Variants in SCRIB observed in about 807,000 individuals in gnomAD.
SCRIB encodes the protein scribble planar cell polarity protein.
Under a neutral mutation model 170.0 loss-of-function variants are expected in SCRIB, and 72 were observed. The ratio of observed to expected loss-of-function variants is 0.42; its 90% CI spans 0.35 to 0.52. The LOEUF is 0.52. Ranked by LOEUF, SCRIB falls within the 20% of genes least tolerant of loss-of-function variation. The pLI is 0.02. For missense variants in SCRIB, 2,475 were observed against 2,338.5 expected (o/e 1.06, Z -1.20); for synonymous variants, 1,298 against 1,044.3 (o/e 1.24, Z -4.68).
rs948751927 is a variant in SCRIB, at chr8:143,805,318, C to T, written c.2464G>A (p.Ala822Thr). The T allele has an allele frequency of 1.9e-6, 3 of 1,544,912 alleles. No individual in the cohort carries two copies. Among genetic ancestry groups the T allele is most frequent in the Admixed American group, 1.9e-5 (1 of 52,634 alleles). Residue 822 changes from alanine (A) to threonine (T), a missense_variant, in exon 19 of 37, where the codon GCG (alanine) becomes ACG (threonine). Coordinates refer to ENST00000356994, the MANE Select transcript of SCRIB (RefSeq NM_182706.5). The stretch of plus-strand genomic sequence containing the variant: ...GGCCGCAGCGGCGTGATGGTGACCG[C>T]GTTCTCAGGCTCCACCATGCGCTCC... ...WRERMVEPENAVTITPLRPED... is the reference protein window; with the variant it reads ...WRERMVEPENTVTITPLRPED...
In SCRIB at chr8:143,804,767, G is replaced by T. The variant is rs1554635956; in HGVS notation, c.2810C>A (p.Ala937Asp). 3.1e-6 allele frequency: 5 copies of T among 1,604,050 alleles called. No individual in the cohort carries two copies. Among genetic ancestry groups the T allele is most frequent in the Non-Finnish European group, 4.2e-6 (5 of 1,177,180 alleles). Residue 937 changes from alanine to aspartate, a missense_variant, in exon 21 of 37, where the codon GCT (alanine) becomes GAT (aspartate). This residue lies in a region of SCRIB where 1,966 missense variants were observed against 1,742.9 expected (regional missense o/e 1.13). Transcript: ENST00000356994. ...CAGCAGGGCGATGGTGGGGGAGGCAGCGGTCAGCAGGGAGACGGCGTGGTC... is the reference window on the plus strand; with the variant it reads ...CAGCAGGGCGATGGTGGGGGAGGCATCGGTCAGCAGGGAGACGGCGTGGTC... Reference protein sequence around the residue: ...RHDHAVSLLTAASPTIALLLE... With the variant: ...RHDHAVSLLTDASPTIALLLE...
At chr8:143,809,068 G>C in intron 14 of SCRIB, 43 bp from the exon 15 acceptor site, 1 of 1,568,490 alleles carries the variant, frequency 6.4e-7, no homozygotes, top group Non-Finnish European at 8.6e-7. Context: ...CTCTGTGGCT[G>C]TGCTTCCACA....
Position 143,804,737 on chromosome 8 carries a change from T to A in SCRIB, c.2840A>T (p.Glu947Val). ...AASPTIALLL[E>V]REAGGPLPPS... ...AGGAAGAGGGCCCCCAGCCTCCCGC[T>A]CCAACAGCAGGGCGATGGTGGGGGA... Residue 947 changes from glutamate to valine, a missense_variant, in exon 21 of 37, where the codon GAG becomes GTG. Physicochemically the swap from Glu to Val is moderately radical, Grantham distance 121. Coordinates refer to ENST00000356994, the MANE Select transcript of SCRIB (RefSeq NM_182706.5). 6.3e-7 allele frequency: 1 copy of A among 1,599,130 alleles called. No homozygotes were observed. Among genetic ancestry groups the A allele is most frequent in the Admixed American group, 1.7e-5 (1 of 58,918 alleles).
In SCRIB at chr8:143,804,661, G is replaced by C; in HGVS notation, c.2916C>G (p.Thr972=). 6.5e-7 allele frequency: 1 copy of C among 1,550,252 alleles called. No homozygotes were observed. The highest frequency in any genetic ancestry group is 8.7e-7 in the Non-Finnish European group (1 of 1,147,142). Residue 972 remains threonine (T), a synonymous_variant, in exon 21 of 37, where the codon ACC becomes ACG. Coordinates refer to ENST00000356994, the MANE Select transcript of SCRIB (RefSeq NM_182706.5). ...SSPPTAAVAT[T]SITTATPGVP... ...CCCCGGGGGTGGCAGTGGTTATGCT[G>C]GTGGTGGCAACAGCAGCGGTGGGGG...
intron 2 of SCRIB, 45 bp downstream of exon 2, chr8:143,813,956 C>T (rs368000217): frequency 3.6e-5 from 57 of 1,581,860 alleles, no homozygotes; most frequent in Admixed American, 1.2e-4. Flanking sequence ...GCAGCCCCAG[C>T]GGACACTCCC....
intron 9 of SCRIB, 109 bp from the exon 10 acceptor site, chr8:143,811,454 G>GGCTGTGAGGGACCCTGGC: frequency 1.1e-6 from 1 of 945,516 alleles, no homozygotes; most frequent in Non-Finnish European, 1.6e-6. Context: ...TCCAGCCAGG[G>GGCTGTGAGGGACCCTGGC]TCCCTCACAG....
At chr8:143,791,601 G>A in intron 35 of SCRIB, 65 bp downstream of exon 35, 2 of 1,513,382 alleles carry the variant, frequency 1.3e-6, no homozygotes, top group Non-Finnish European at 1.8e-6. Context: ...CCCTGCGGGA[G>A]CGGATGGGGG....
At chr8:143,792,917 G>A in intron 29 of SCRIB, 50 bp from the exon 30 acceptor site, 2 of 1,501,378 alleles carry the variant, frequency 1.3e-6, no homozygotes, top group African/African-American at 1.4e-5. Flanking sequence ...CGAGATACTG[G>A]GGCCCCCGGG....
At position 143,804,001 on chromosome 8, in the gene SCRIB, G is replaced by A. The variant is rs370120630; in HGVS notation, c.3120+45C>T. The stretch of plus-strand genomic sequence containing the variant: ...CCGCGCTGACCTGCGCTGGTACCTG[G>A]GATGGGTGCACCTCTCACAGAACCG... On this transcript the variant is annotated intron_variant, in intron 22 of 36. Coordinates refer to ENST00000356994, the MANE Select transcript of SCRIB (RefSeq NM_182706.5). 3.8e-6 allele frequency: 6 copies of A among 1,576,496 alleles called. No homozygotes were observed. In the East Asian group the frequency reaches 6.8e-5, roughly 18 times the overall value.
In SCRIB at chr8:143,803,774, G is replaced by C. The variant is rs781812456; in HGVS notation, c.3287C>G (p.Pro1096Arg). 3.7e-6 allele frequency: 6 copies of C among 1,601,812 alleles called. No homozygotes were observed. In the South Asian group the frequency reaches 6.6e-5, roughly 18 times the overall value. The part of the protein sequence containing the change: ...SLLVRRDPAP[P>R]GLRELCIQKA... ...CTGGATGCACAGTTCCCGTAGGCCC[G>C]GGGGTGCCGGGTCCCTCCGCACCAG... Residue 1096 changes from proline to arginine, a missense_variant, in exon 23 of 37, where the codon CCG (proline) becomes CGG (arginine). Physicochemically the swap from Pro to Arg is moderately radical, Grantham distance 103 (BLOSUM62 -2). Coordinates refer to ENST00000356994, the MANE Select transcript of SCRIB (RefSeq NM_182706.5).
Position 143,808,947 on chromosome 8 carries a change from AG to A in SCRIB, c.1776del (p.Trp593GlyfsTer124). On this transcript the variant is annotated frameshift_variant, in exon 15 of 37. Coordinates refer to ENST00000356994, the MANE Select transcript of SCRIB (RefSeq NM_182706.5). LOFTEE classifies it high-confidence loss of function. ...CGCTGCCTCCCGCCTGGCAGGGTCC[AG>A]GGGGCCTCAGGCTGCCCCTCCTCGA... Reference protein sequence around the residue: ...REIEEGQPEAPWTLPGGRQRL... With the variant: ...REIEEGQPEAXWTLPGGRQRL... 6.2e-7 allele frequency: 1 copy of A among 1,612,812 alleles called. No individual in the cohort carries two copies.
Position 143,805,111 on chromosome 8 carries a change from C to T in SCRIB, c.2670+1G>A. 1 of 1,598,898 alleles carries T rather than the reference C, an allele frequency of 6.3e-7. No homozygotes were observed. The highest frequency in any genetic ancestry group is 1.3e-5 in the African/African-American group (1 of 74,782). On this transcript the variant is annotated splice_donor_variant, in intron 19 of 36. Transcript: ENST00000356994. LOFTEE classifies it high-confidence loss of function. The stretch of plus-strand genomic sequence containing the variant: ...TCCCCGGCCCTGGGCCCCAGCCTCA[C>T]CGCATCACCAGCCCTGTAGGGTGTG...
In SCRIB at chr8:143,795,116, G is replaced by A. The variant is rs1554633825; in HGVS notation, c.3772-4C>T. On this transcript the variant is annotated splice_region_variant and splice_polypyrimidine_tract_variant and intron_variant, in intron 26 of 36. Coordinates refer to ENST00000356994, the MANE Select transcript of SCRIB (RefSeq NM_182706.5). ...TCAGGGGCTGCAGACCCCGACCCTG[G>A]GGGCAGAGTGAACACAGCACTAGCA... 8.1e-6 allele frequency: 13 copies of A among 1,610,894 alleles called. No individual in the cohort carries two copies. Among genetic ancestry groups the A allele is most frequent in the Non-Finnish European group, 1.1e-5 (13 of 1,178,870 alleles).
In SCRIB at chr8:143,808,306, G is replaced by A. The variant is rs564680532; in HGVS notation, c.2115+303C>T. On this transcript the variant is annotated intron_variant, in intron 15 of 36. Transcript: ENST00000356994. ...CCTCTGGCACTGAGACCAACGCCAGGGCAGGCCTGGGGTCCAAGCATGGAC... is the reference window on the plus strand; with the variant it reads ...CCTCTGGCACTGAGACCAACGCCAGAGCAGGCCTGGGGTCCAAGCATGGAC... Among the ~76,000 whole-genome samples, 9 of 152,214 alleles carry A rather than the reference G, an allele frequency of 5.9e-5. No homozygotes were observed. In the East Asian group the frequency reaches 1.8e-3, roughly 30 times the overall value.
In SCRIB at chr8:143,813,356, G is replaced by A. The variant is rs754838765; in HGVS notation, c.522C>T (p.Val174=). The change falls in exon 6 of 37, where the codon GTC becomes GTT. Residue 174 remains valine (V), a synonymous_variant. Coordinates refer to ENST00000356994, the MANE Select transcript of SCRIB (RefSeq NM_182706.5). ...CTCCCAGATCCAGCTGTTCCAGCTT[G>A]ACCAGAAATGACAGGGACCTGCAGA... The part of the protein sequence containing the change: ...KSLPASLSFL[V]KLEQLDLGGN... 5 of 1,613,488 alleles carry A rather than the reference G, an allele frequency of 3.1e-6. No individual in the cohort carries two copies. The highest frequency in any genetic ancestry group is 4.2e-6 in the Non-Finnish European group (5 of 1,180,032).
chr8:143,813,245 T>G, intron 6 of SCRIB, 66 bp downstream of exon 6: 1 of 1,603,032 alleles, frequency 6.2e-7, no homozygotes, highest in African/African-American at 1.3e-5. Context: ...CTGCTCGCTG[T>G]CCCCTTCTTT....
intron 27 of SCRIB, among the ~76,000 whole-genome samples, chr8:143,794,696 A>G (rs1045010606): frequency 3.3e-5 from 5 of 151,526 alleles, no homozygotes; most frequent in African/African-American, 1.2e-4. Flanking sequence ...GTGCCTGCCC[A>G]ATCCCCCAGG....
intron 24 of SCRIB, among the ~76,000 whole-genome samples, chr8:143,799,980 G>A (rs931903219): frequency 6.6e-6 from 1 of 151,980 alleles, no homozygotes. Flanking sequence ...ACACAGATGA[G>A]TCCAGTGGCC....
chr8:143,798,373 A>ACGTC (rs879966079), intron 24 of SCRIB, among the ~76,000 whole-genome samples: 22 of 103,178 alleles, frequency 2.1e-4, no homozygotes, highest in Admixed American at 1.2e-3. Flanking sequence ...GGCTGAGAAC[A>ACGTC]CAGGATGCGG....
Sources: gnomAD v4.1 joint callset for allele counts (sites outside exome capture counted in the v4.1 genomes callset) on GRCh38, gnomAD v4.1.1 for gene constraint, gnomAD v4.1.1 regional missense constraint, MANE v1.5 for transcripts, NCBI Gene and HGNC (gene_info 2026-07-23, HGNC 2026-07-21) for gene names.